Variants in SPRYD7 observed in about 807,000 individuals in gnomAD.
The protein encoded by SPRYD7 is SPRY domain containing 7.
In SPRYD7, 14 loss-of-function variants were observed where a neutral mutation model predicts 23.8. The observed-to-expected ratio is 0.59, with a 90% confidence interval of 0.39 to 0.92. The LOEUF (loss-of-function observed/expected upper bound fraction) is 0.92. SPRYD7 is among the 40% of genes least tolerant of loss of function. The probability of loss-of-function intolerance (pLI) is 0.00; values close to 1 mark genes in which losing one functional copy is unlikely to be tolerated. For synonymous variants in SPRYD7, 75 were observed against 84.9 expected (o/e 0.88, Z 0.64); for missense variants, 194 against 241.7 (o/e 0.80, Z 1.31).
intron 1 of SPRYD7, 36 bp from the exon 2 acceptor site, chr13:49,931,170 T>G (rs779554613): frequency 7.3e-6 from 10 of 1,376,782 alleles, no homozygotes; most frequent in Non-Finnish European, 1.0e-5. Flanking sequence ...TAAAGTTTTG[T>G]ATTTTCTTTT....
intron 3 of SPRYD7, among the ~76,000 whole-genome samples, chr13:49,922,033 C>T (rs1392642106): frequency 1.3e-5 from 2 of 151,978 alleles, no homozygotes; most frequent in Non-Finnish European, 2.9e-5. Context: ...GAAGAAACGT[C>T]TCTATACATT....
intron 4 of SPRYD7, among the ~76,000 whole-genome samples, chr13:49,915,848 C>A (rs1955745614): frequency 6.6e-6 from 1 of 152,216 alleles, no homozygotes; most frequent in Admixed American, 6.5e-5. Context: ...CACAATGCTA[C>A]ACTTCTCAGC....
chr13:49,915,138 A>G lies in SPRYD7; in HGVS notation c.516T>C (p.Asp172=). Residue 172 remains aspartate (D), a synonymous_variant, in exon 5 of 5, where the codon GAT becomes GAC. Transcript: ENST00000361840. ...TATGATAAAACTCACTGAACTGGCAATCCAAAATTGCACTGTCATCAACTA... is the reference window on the plus strand; with the variant it reads ...TATGATAAAACTCACTGAACTGGCAGTCCAAAATTGCACTGTCATCAACTA... ...VVYVDDSAIL[D]CQFSEFYHTP... 2 of 1,573,298 alleles carry G rather than the reference A, an allele frequency of 1.3e-6. No individual in the cohort carries two copies. The highest frequency in any genetic ancestry group is 1.7e-6 in the Non-Finnish European group (2 of 1,157,310).
chr13:49,921,809 C>T (rs1320398652), intron 3 of SPRYD7, among the ~76,000 whole-genome samples: 1 of 152,108 alleles, frequency 6.6e-6, no homozygotes, highest in East Asian at 1.9e-4. Context: ...AAAACAAAGC[C>T]AACAGTTTAA....
intron 4 of SPRYD7, among the ~76,000 whole-genome samples, chr13:49,918,567 A>G (rs1436543635): frequency 6.7e-6 from 1 of 149,088 alleles, no homozygotes; most frequent in African/African-American, 2.5e-5. Context: ...GCCACCACAC[A>G]CGGTTTCACC....
intron 1 of SPRYD7, among the ~76,000 whole-genome samples, chr13:49,934,204 G>C (rs1289245443): frequency 1.3e-5 from 2 of 151,916 alleles, no homozygotes; most frequent in African/African-American, 2.4e-5. Flanking sequence ...TTTTATTCAG[G>C]TTCTCAAATC....
chr13:49,931,676 C>G (rs991145818), intron 1 of SPRYD7, among the ~76,000 whole-genome samples: 5 of 152,122 alleles, frequency 3.3e-5, no homozygotes, highest in Non-Finnish European at 7.3e-5. Context: ...ATGCTGGGTA[C>G]AGTGGTTCGT....
At chr13:49,930,537 C>T (rs569432796) in intron 2 of SPRYD7, among the ~76,000 whole-genome samples, 5 of 151,620 alleles carry the variant, frequency 3.3e-5, no homozygotes, top group East Asian at 1.9e-4. Flanking sequence ...GTCAAGACCG[C>T]GCCACTGCAC....
intron 3 of SPRYD7, among the ~76,000 whole-genome samples, chr13:49,922,387 G>A (rs1042977445): frequency 6.6e-6 from 1 of 151,302 alleles, no homozygotes; most frequent in African/African-American, 2.4e-5. Flanking sequence ...TAAACCAATA[G>A]TGCTACTATT....
intron 2 of SPRYD7, among the ~76,000 whole-genome samples, chr13:49,928,990 A>T (rs1253693217): frequency 6.6e-6 from 1 of 152,094 alleles, no homozygotes; most frequent in Non-Finnish European, 1.5e-5. Context: ...TTAAGCCACC[A>T]CACCCAGCTA....
rs183305124 is a variant in SPRYD7 at position 49,914,054 on chromosome 13, G to T, written c.*1009C>A. 5.2e-5 allele frequency: 8 copies of T among 153,662 alleles called. No homozygotes were observed. In the East Asian group the frequency reaches 1.5e-3, roughly 30 times the overall value. The allele number at this position is 153,662 out of a possible 1,614,324, so 9.5% of individuals were successfully genotyped here. Reference sequence around the variant, plus strand: ...AAAGGAGGGAAATGTATGCATCCTTGCCATGCTCATTTGAAAACAGACAAC... The same window carrying T: ...AAAGGAGGGAAATGTATGCATCCTTTCCATGCTCATTTGAAAACAGACAAC... On this transcript the variant is annotated 3_prime_UTR_variant, in exon 5 of 5. Coordinates refer to ENST00000361840, the MANE Select transcript of SPRYD7 (RefSeq NM_020456.4).
intron 1 of SPRYD7, 131 bp from the exon 2 acceptor site, chr13:49,931,265 T>A: frequency 2.1e-6 from 1 of 469,140 alleles, no homozygotes; most frequent in East Asian, 4.4e-5. Context: ...CTGCAACCTC[T>A]GCCTCCTGGG....
At chr13:49,924,223 G>A (rs1209801256) in intron 3 of SPRYD7, among the ~76,000 whole-genome samples, 19 of 151,876 alleles carry the variant, frequency 1.3e-4, no homozygotes, top group Admixed American at 1.2e-3. Context: ...CTGACCTCAG[G>A]TGATCTGCCC....
chr13:49,927,493 G>GAA (rs1185971099), intron 3 of SPRYD7, among the ~76,000 whole-genome samples: 2 of 121,252 alleles, frequency 1.6e-5, no homozygotes, highest in Non-Finnish European at 1.8e-5. Context: ...GAGACTCTAA[G>GAA]AAAAAAAAAA....
chr13:49,936,239 G>T lies in SPRYD7; in HGVS notation c.-4C>A. ...AGCACAACACCGAGGTGGCCATCGC[G>T]CAGGGACCACCGACTCCGCCGCCGT... is the stretch of plus-strand genomic sequence containing the variant. On this transcript the variant is annotated 5_prime_UTR_variant, in exon 1 of 5. Transcript: ENST00000361840. 4 of 1,597,152 alleles carry T rather than the reference G, an allele frequency of 2.5e-6. No homozygotes were observed. Among genetic ancestry groups the T allele is most frequent in the Non-Finnish European group, 3.4e-6 (4 of 1,174,626 alleles).
intron 3 of SPRYD7, among the ~76,000 whole-genome samples, chr13:49,926,834 C>T (rs1278150579): frequency 3.9e-5 from 6 of 152,136 alleles, no homozygotes; most frequent in Non-Finnish European, 4.4e-5. Context: ...AAGGGCACCT[C>T]GGCTGAAGGA....
intron 4 of SPRYD7, 83 bp downstream of exon 4, chr13:49,921,395 T>C (rs1955818337): frequency 3.4e-6 from 3 of 891,634 alleles, no homozygotes; most frequent in Non-Finnish European, 5.5e-6. Flanking sequence ...GGTATGTCTT[T>C]ATAGCAGCAT....
At chr13:49,935,560 C>A (rs1365390681) in intron 1 of SPRYD7, 1 of 152,214 alleles carries the variant, frequency 6.6e-6, no homozygotes, top group Non-Finnish European at 1.5e-5. Flanking sequence ...CAGTACCTCT[C>A]ACAATGACTA....
At position 49,928,099 on chromosome 13, in the gene SPRYD7, A is replaced by C; in HGVS notation, c.224-14T>G. ...TACCCCAGATTCCTAAAAATATAACAGTTTAAATGCCCTCAAAATCTGAAG... is the reference window on the plus strand; with the variant it reads ...TACCCCAGATTCCTAAAAATATAACCGTTTAAATGCCCTCAAAATCTGAAG... On this transcript the variant is annotated splice_polypyrimidine_tract_variant and intron_variant, in intron 2 of 4. Transcript: ENST00000361840. 1 of 1,608,966 alleles carries C rather than the reference A, an allele frequency of 6.2e-7. No homozygotes were observed. Among genetic ancestry groups the C allele is most frequent in the Non-Finnish European group, 8.5e-7 (1 of 1,177,734 alleles).
Sources: allele counts gnomAD v4.1 joint callset (sites outside exome capture counted in the v4.1 genomes callset), GRCh38; gene constraint gnomAD v4.1.1; transcripts MANE v1.5; gene names NCBI Gene and HGNC (gene_info 2026-07-23, HGNC 2026-07-21).